The following RFX4 variants were observed in gnomAD, a reference collection of about 807,000 sequenced individuals.
The protein encoded by RFX4 is regulatory factor X4.
RFX4 carries 10 observed loss-of-function variants against 95.0 expected under a neutral mutation model. That is an observed-to-expected ratio of 0.11 (90% CI 0.06 to 0.18). RFX4 has a LOEUF of 0.18. Among genes scored for constraint, RFX4 ranks in the 10% least tolerant of loss-of-function variants. RFX4 has a pLI of 1.00. For missense variants in RFX4, 640 were observed against 922.0 expected (o/e 0.69, Z 3.96); for synonymous variants, 321 against 340.7 (o/e 0.94, Z 0.64).
chr12:106,679,519 G>T (rs961357150), intron 4 of RFX4, among the ~76,000 whole-genome samples: 2 of 151,772 alleles, frequency 1.3e-5, no homozygotes, highest in African/African-American at 2.4e-5. Flanking sequence ...TTGTATCGGA[G>T]AAATTTTCCA....
intron 16 of RFX4, 94 bp downstream of exon 16, chr12:106,747,693 G>A (rs1297894071): frequency 8.4e-6 from 12 of 1,422,074 alleles, no homozygotes; most frequent in Non-Finnish European, 1.2e-5. Flanking sequence ...CAGCACTTTG[G>A]GAGGCCAAGG....
intron 7 of RFX4, among the ~76,000 whole-genome samples, chr12:106,695,741 G>T (rs995866409): frequency 6.6e-6 from 1 of 152,096 alleles, no homozygotes; most frequent in African/African-American, 2.4e-5. Context: ...GATATGAAAA[G>T]ACTTTTGCAC....
At chr12:106,742,215 C>T (rs796784953) in intron 15 of RFX4, among the ~76,000 whole-genome samples, 4 of 152,156 alleles carry the variant, frequency 2.6e-5, no homozygotes, top group African/African-American at 9.7e-5. Flanking sequence ...GAAACAGGGT[C>T]TCACTCTGTT....
chr12:106,707,034 G>T (rs987625502), intron 8 of RFX4, among the ~76,000 whole-genome samples: 2 of 152,134 alleles, frequency 1.3e-5, no homozygotes, highest in African/African-American at 4.8e-5. Context: ...TGACATCTTG[G>T]ATTTGTTTGA....
intron 2 of RFX4, among the ~76,000 whole-genome samples, chr12:106,612,326 C>CT (rs1176754933): frequency 6.6e-6 from 1 of 152,096 alleles, no homozygotes; most frequent in Non-Finnish European, 1.5e-5. Context: ...GTTTTGCTTC[C>CT]TTGGTTAAAT....
chr12:106,699,651 T>C (rs2041948122), intron 8 of RFX4, among the ~76,000 whole-genome samples: 2 of 152,216 alleles, frequency 1.3e-5, no homozygotes, highest in South Asian at 4.1e-4. Context: ...TTTTTATCTT[T>C]CATAATATTT....
At position 106,583,223 on chromosome 12, in the gene RFX4, T is replaced by TACCAACCAACCAACCAAACAA; in HGVS notation, c.-98_-97insACCAACCAACCAACCAAACAA. 3 of 782,864 alleles carry TACCAACCAACCAACCAAACAA rather than the reference T, an allele frequency of 3.8e-6. No individual in the cohort carries two copies. The highest frequency in any genetic ancestry group is 3.0e-5 in the Admixed American group (1 of 33,840). 48.5% of individuals were successfully genotyped at this position (782,864 alleles called of 1,614,324 possible). ...TTCTGCGTCTCTCTCTCTCCCCTTC[T>TACCAACCAACCAACCAAACAA]CCCTCCCTCCCTCCCTTCCTCCCTG... On this transcript the variant is annotated 5_prime_UTR_variant, in exon 1 of 18. Coordinates refer to ENST00000392842, the MANE Select transcript of RFX4 (RefSeq NM_213594.3).
intron 15 of RFX4, among the ~76,000 whole-genome samples, chr12:106,741,039 A>C (rs1482359612): frequency 6.6e-6 from 1 of 152,212 alleles, no homozygotes; most frequent in African/African-American, 2.4e-5. Context: ...CAGAGGCTAG[A>C]TTATGCAGCA....
At chr12:106,700,686 G>A (rs529985412) in intron 8 of RFX4, among the ~76,000 whole-genome samples, 6 of 151,826 alleles carry the variant, frequency 4.0e-5, no homozygotes, top group African/African-American at 4.8e-5. Flanking sequence ...GATTACAGGC[G>A]TGAGCCACCG....
chr12:106,649,173 G>A (rs1378818932), intron 3 of RFX4, among the ~76,000 whole-genome samples: 1 of 152,000 alleles, frequency 6.6e-6, no homozygotes, highest in Non-Finnish European at 1.5e-5. Flanking sequence ...AAAGAGAGGA[G>A]GAAACGAGAA....
intron 15 of RFX4, among the ~76,000 whole-genome samples, chr12:106,739,571 A>G (rs2042770764): frequency 6.6e-6 from 1 of 152,244 alleles, no homozygotes; most frequent in Non-Finnish European, 1.5e-5. Context: ...TTCCATGTCC[A>G]CATTTCTAAA....
chr12:106,614,697 G>A (rs1172454540), intron 2 of RFX4, among the ~76,000 whole-genome samples: 1 of 151,796 alleles, frequency 6.6e-6, no homozygotes, highest in Non-Finnish European at 1.5e-5. Context: ...TTTTAGTAGA[G>A]ACGGGGTTTC....
chr12:106,597,920 C>T (rs1253431844), intron 1 of RFX4, among the ~76,000 whole-genome samples: 1 of 152,068 alleles, frequency 6.6e-6, no homozygotes, highest in African/African-American at 2.4e-5. Flanking sequence ...AAAAAGGGTG[C>T]CTCTGTCAAA....
In RFX4 at chr12:106,750,646, G is replaced by A. The variant is rs1219743833; in HGVS notation, c.1797-9G>A. The A allele has an allele frequency of 1.9e-6, 3 of 1,595,468 alleles. No homozygotes were observed. The highest frequency in any genetic ancestry group is 8.5e-7 in the Non-Finnish European group (1 of 1,171,880). ...ACTCACACTATTCAATGTGCTTGAT[G>A]CATTTTAGATACACGGGAAGCTATA... On this transcript the variant is annotated splice_polypyrimidine_tract_variant and intron_variant, in intron 16 of 17. Transcript: ENST00000392842.
chr12:106,687,750 C>T (rs544621014), intron 6 of RFX4, among the ~76,000 whole-genome samples: 2 of 152,196 alleles, frequency 1.3e-5, no homozygotes, highest in East Asian at 3.9e-4. Flanking sequence ...ATAAAATTTG[C>T]TCTGTCAATC....
chr12:106,746,099 T>C (rs571179785), intron 15 of RFX4, among the ~76,000 whole-genome samples: 1 of 152,270 alleles, frequency 6.6e-6, no homozygotes, highest in South Asian at 2.1e-4. Flanking sequence ...GGCTCACGCC[T>C]GTAATCCCAG....
chr12:106,614,817 G>GT (rs753429981), intron 2 of RFX4, among the ~76,000 whole-genome samples: 33 of 152,206 alleles, frequency 2.2e-4, no homozygotes, highest in South Asian at 6.2e-4. Flanking sequence ...CCGCCTGTGT[G>GT]TTTTTAAAAA....
chr12:106,639,459 G>T, intron 3 of RFX4, 67 bp downstream of exon 3: 10 of 1,371,498 alleles, frequency 7.3e-6, no homozygotes, highest in Non-Finnish European at 1.0e-5. Flanking sequence ...TATAGGATAG[G>T]ATATCACTTG....
Position 106,686,399 on chromosome 12 carries a change from G to A in RFX4, c.378-485G>A, listed in dbSNP as rs1349049048. 4.1e-5 allele frequency among the ~76,000 whole-genome samples: 6 copies of A among 145,690 alleles called. No individual in the cohort carries two copies. In the South Asian group the frequency reaches 8.7e-4, roughly 21 times the overall value. On this transcript the variant is annotated intron_variant, in intron 5 of 17. Transcript: ENST00000392842. ...TGCACTCCAGCCTAGGTGACAGAGC[G>A]AGACTCTGTCTCAAAAAAAAAAAAA...
Sources: gnomAD v4.1 joint callset for allele counts (sites outside exome capture counted in the v4.1 genomes callset) on GRCh38, gnomAD v4.1.1 for gene constraint, MANE v1.5 for transcripts, NCBI Gene and HGNC (gene_info 2026-07-23, HGNC 2026-07-21) for gene names.